Variants in PGCKA1 observed in about 807,000 individuals in gnomAD.
The protein encoded by PGCKA1 is PDCD10 and GCKIII kinases associated 1.
the PGCKA1 span, among the ~76,000 whole-genome samples, chr4:37,528,651 A>G: frequency 1.3e-5 from 2 of 152,312 alleles, no homozygotes; most frequent in African/African-American, 4.8e-5. Flanking sequence ...AATTGCCCAG[A>G]GAGAGGAGGA....
chr4:37,495,574 C>G, the PGCKA1 span, among the ~76,000 whole-genome samples: 1 of 152,132 alleles, frequency 6.6e-6, no homozygotes, highest in Non-Finnish European at 1.5e-5. Flanking sequence ...ATGGATGAAG[C>G]TGGAAACCAT....
the PGCKA1 span, among the ~76,000 whole-genome samples, chr4:37,475,567 A>C: frequency 6.6e-6 from 1 of 152,206 alleles, no homozygotes; most frequent in Non-Finnish European, 1.5e-5. Context: ...GTAATGTTAC[A>C]GGAAATTTTG....
chr4:37,536,546 G>A, the PGCKA1 span, among the ~76,000 whole-genome samples: 18 of 152,104 alleles, frequency 1.2e-4, no homozygotes, highest in Admixed American at 9.2e-4. Flanking sequence ...GTCTCTTGGC[G>A]GGTCTGAAAA....
the PGCKA1 span, among the ~76,000 whole-genome samples, chr4:37,573,945 C>T: frequency 1.3e-5 from 2 of 152,092 alleles, no homozygotes; most frequent in African/African-American, 4.8e-5. Context: ...ATTCCAGCAC[C>T]TTGGGAGGCC....
the PGCKA1 span, among the ~76,000 whole-genome samples, chr4:37,565,959 C>A: frequency 6.6e-6 from 1 of 152,162 alleles, no homozygotes; most frequent in Non-Finnish European, 1.5e-5. Context: ...CAGCCTACAT[C>A]CTTCTCCCGT....
At chr4:37,479,569 A>G in the PGCKA1 span, among the ~76,000 whole-genome samples, 1 of 152,200 alleles carries the variant, frequency 6.6e-6, no homozygotes, top group African/African-American at 2.4e-5. Flanking sequence ...TTGATCCAAT[A>G]AGGAAAGTAA....
the PGCKA1 span, among the ~76,000 whole-genome samples, chr4:37,578,302 CCTT>C: frequency 6.6e-6 from 1 of 152,150 alleles, no homozygotes; most frequent in Non-Finnish European, 1.5e-5. Flanking sequence ...TATGTAATGA[CCTT>C]CTTTGTCTCA....
chr4:37,487,137 T>C, the PGCKA1 span, among the ~76,000 whole-genome samples: 68 of 152,318 alleles, frequency 4.5e-4, no homozygotes, highest in African/African-American at 1.5e-3. Context: ...CCACATGAAA[T>C]GCTTTGCTTG....
At chr4:37,495,385 A>G in the PGCKA1 span, among the ~76,000 whole-genome samples, 3 of 152,204 alleles carry the variant, frequency 2.0e-5, no homozygotes, top group African/African-American at 7.2e-5. Context: ...ATTACTGGGT[A>G]TATACCCAAA....
the PGCKA1 span, among the ~76,000 whole-genome samples, chr4:37,572,293 C>G: frequency 2.0e-5 from 3 of 150,512 alleles, no homozygotes; most frequent in Non-Finnish European, 4.4e-5. Flanking sequence ...GTCTCGATCT[C>G]CTGACCTCGT....
the PGCKA1 span, among the ~76,000 whole-genome samples, chr4:37,584,575 G>A: frequency 7.7e-3 from 1,172 of 152,236 alleles, 15 homozygotes; most frequent in African/African-American, 0.02. Flanking sequence ...CCTAAAAGCC[G>A]CAAATGATGT....
At chr4:37,582,259 C>T in the PGCKA1 span, among the ~76,000 whole-genome samples, 1 of 152,078 alleles carries the variant, frequency 6.6e-6, no homozygotes, top group Admixed American at 6.6e-5. Context: ...TATAAAGGTG[C>T]TTGTTGGTGT....
chr4:37,590,207 T>G, the PGCKA1 span: 1 of 1,614,204 alleles, frequency 6.2e-7, no homozygotes, highest in Non-Finnish European at 8.5e-7. Flanking sequence ...GAAGTCTTGG[T>G]GCAGAAAAAT....
At chr4:37,558,239 G>C in the PGCKA1 span, among the ~76,000 whole-genome samples, 67,108 of 152,046 alleles carry the variant, frequency 0.44, 15,114 homozygotes, top group African/African-American at 0.52. Flanking sequence ...GACTCACTCA[G>C]GTTTGAGTAG....
the PGCKA1 span, among the ~76,000 whole-genome samples, chr4:37,467,988 A>G: frequency 5.3e-5 from 8 of 152,314 alleles, no homozygotes; most frequent in African/African-American, 1.9e-4. Context: ...TTTCACACAT[A>G]CAGTAGGAAT....
At chr4:37,468,379 C>T in the PGCKA1 span, among the ~76,000 whole-genome samples, 8 of 152,114 alleles carry the variant, frequency 5.3e-5, no homozygotes, top group East Asian at 7.7e-4. Flanking sequence ...CTCCTTTGAC[C>T]GAAATGAGAA....
At chr4:37,472,124 G>A in the PGCKA1 span, among the ~76,000 whole-genome samples, 3 of 152,176 alleles carry the variant, frequency 2.0e-5, no homozygotes, top group Non-Finnish European at 4.4e-5. Flanking sequence ...TACTGCGTGT[G>A]CCCCTGGCAG....
the PGCKA1 span, among the ~76,000 whole-genome samples, chr4:37,473,025 T>A: frequency 6.6e-6 from 1 of 152,200 alleles, no homozygotes; most frequent in African/African-American, 2.4e-5. Context: ...TAACAAGTAA[T>A]TTAAATCTTG....
the PGCKA1 span, among the ~76,000 whole-genome samples, chr4:37,514,819 C>T: frequency 6.6e-6 from 1 of 152,162 alleles, no homozygotes; most frequent in Non-Finnish European, 1.5e-5. Context: ...AGGATCCATC[C>T]TCAAGATAGC....
Sources: gnomAD v4.1 joint callset for allele counts (sites outside exome capture counted in the v4.1 genomes callset) on GRCh38, gnomAD v4.1.1 for gene constraint, MANE v1.5 for transcripts, NCBI Gene and HGNC (gene_info 2026-07-23, HGNC 2026-07-21) for gene names.